The following DCDC1 variants were observed in gnomAD, a reference collection of about 807,000 sequenced individuals.
DCDC1 encodes the protein doublecortin domain-containing protein 1.
DCDC1 carries 200 observed loss-of-function variants against 178.3 expected under a neutral mutation model. That is an observed-to-expected ratio of 1.12 (90% CI 1.00 to 1.26). The LOEUF is 1.26. DCDC1 is among the 50% of genes most tolerant of loss of function. The pLI is 0.00. For missense variants in DCDC1, 1,983 were observed against 1,749.2 expected (o/e 1.13, Z -2.38); for synonymous variants, 690 against 604.8 (o/e 1.14, Z -2.07).
intron 20 of DCDC1, among the ~76,000 whole-genome samples, chr11:30,967,427 TCTC>T (rs1949501074): frequency 6.6e-6 from 1 of 152,082 alleles, no homozygotes; most frequent in Admixed American, 6.6e-5. Flanking sequence ...CAGCCCAAAA[TCTC>T]CTTAAGCTGA....
intron 1 of DCDC1, among the ~76,000 whole-genome samples, chr11:31,356,516 A>T (rs1406919110): frequency 1.3e-5 from 2 of 151,862 alleles, no homozygotes; most frequent in Non-Finnish European, 2.9e-5. Flanking sequence ...CTAACATCAC[A>T]ATTAAAAGAA....
chr11:30,934,009 A>G (rs1947105877), intron 21 of DCDC1, among the ~76,000 whole-genome samples: 1 of 152,182 alleles, frequency 6.6e-6, no homozygotes. Flanking sequence ...TGCTAGTATC[A>G]TGTCTTAACG....
intron 20 of DCDC1, among the ~76,000 whole-genome samples, chr11:30,960,026 C>T (rs985650012): frequency 2.0e-5 from 3 of 152,108 alleles, no homozygotes; most frequent in Non-Finnish European, 2.9e-5. Flanking sequence ...CGAATTGAAG[C>T]ACCCAAAAGA....
intron 17 of DCDC1, among the ~76,000 whole-genome samples, chr11:31,083,365 G>A (rs758814614): frequency 1.3e-5 from 2 of 152,140 alleles, no homozygotes; most frequent in African/African-American, 4.8e-5. Flanking sequence ...TAGAAAAGAG[G>A]TCTCCTTTGG....
chr11:31,327,737 AT>A lies in DCDC1; in HGVS notation c.164+379del, dbSNP rs559423390. Among the ~76,000 whole-genome samples the A allele has an allele frequency of 2.9e-3, 443 of 150,862 alleles. 2 individuals carry two copies. Among genetic ancestry groups the A allele is most frequent in the African/African-American group, 9.9e-3 (408 of 41,130 alleles). ...TTATTTATATCACCTGTACTCAAAC[AT>A]TTTTTTTTAGACAGAGTCTCACTCT... On this transcript the variant is annotated intron_variant, in intron 3 of 38. Coordinates refer to ENST00000684477, the MANE Select transcript of DCDC1 (RefSeq NM_001387274.1).
intron 20 of DCDC1, among the ~76,000 whole-genome samples, chr11:31,054,919 T>C (rs1955489366): frequency 1.3e-5 from 2 of 152,148 alleles, no homozygotes; most frequent in Admixed American, 1.3e-4. Context: ...CTCTAGACAT[T>C]GGCTTAGGTA....
chr11:30,888,062 G>GAA (rs1363691155), intron 36 of DCDC1, among the ~76,000 whole-genome samples: 4,062 of 48,488 alleles, frequency 0.084, 158 homozygotes, highest in Middle Eastern at 0.12. Flanking sequence ...AAGAAAGAAA[G>GAA]AGAGAGAGAG....
At chr11:31,244,205 A>G (rs932602067) in intron 8 of DCDC1, among the ~76,000 whole-genome samples, 5 of 151,792 alleles carry the variant, frequency 3.3e-5, no homozygotes, top group Non-Finnish European at 5.9e-5. Flanking sequence ...CCTAAAACAT[A>G]CTTTTAAAAT....
At chr11:31,334,999 G>T (rs947418639) in intron 2 of DCDC1, among the ~76,000 whole-genome samples, 2 of 152,206 alleles carry the variant, frequency 1.3e-5, no homozygotes, top group Non-Finnish European at 2.9e-5. Flanking sequence ...GCTATGCCCT[G>T]CCTCCAGAGG....
At chr11:31,257,713 CACACACAT>C (rs1174702558) in intron 8 of DCDC1, among the ~76,000 whole-genome samples, 11 of 151,376 alleles carry the variant, frequency 7.3e-5, no homozygotes, top group Admixed American at 3.3e-4. Flanking sequence ...CACACACACA[CACACACAT>C]ACACACACAC....
chr11:31,218,008 C>T (rs1449853341), intron 9 of DCDC1, among the ~76,000 whole-genome samples: 3 of 151,942 alleles, frequency 2.0e-5, no homozygotes, highest in African/African-American at 7.3e-5. Context: ...ATCAGCATTA[C>T]AAAATGCAGA....
chr11:31,212,735 G>A (rs1972725163), intron 9 of DCDC1, among the ~76,000 whole-genome samples: 1 of 152,054 alleles, frequency 6.6e-6, no homozygotes. Context: ...TAGCTATTAG[G>A]AAATATCTGG....
chr11:31,172,175 T>C (rs573723504), intron 9 of DCDC1, among the ~76,000 whole-genome samples: 1 of 152,194 alleles, frequency 6.6e-6, no homozygotes, highest in South Asian at 2.1e-4. Flanking sequence ...TTTTAAAAAT[T>C]ATATATTTCC....
Position 31,110,318 on chromosome 11 carries a change from A to C in DCDC1, c.1529T>G (p.Ile510Ser). Residue 510 changes from isoleucine (I) to serine (S), a missense_variant, in exon 12 of 39, where the codon ATC (isoleucine) becomes AGC (serine). By Grantham distance (142) the Ile-to-Ser change is moderately radical. Coordinates refer to ENST00000684477, the MANE Select transcript of DCDC1 (RefSeq NM_001387274.1). ...ATCCGATCCCAAATCTTTTTTACTG[A>C]TACCAACAGAGATCTCTCCAGTGTT... is the stretch of plus-strand genomic sequence containing the variant. ...GKNTGEISVG[I>S]SKKDLGSDSP... 1.4e-6 allele frequency: 1 copy of C among 710,126 alleles called. No homozygotes were observed. Among genetic ancestry groups the C allele is most frequent in the Non-Finnish European group, 2.6e-6 (1 of 387,310 alleles). The allele number at this position is 710,126 out of a possible 1,614,324, so 44.0% of individuals were successfully genotyped here. A position where few individuals can be genotyped will look rare whatever the true frequency, so the allele number is the denominator to read the frequency against.
intron 27 of DCDC1, among the ~76,000 whole-genome samples, chr11:30,914,652 A>G (rs562530638): frequency 0.027 from 3,695 of 139,090 alleles, 112 homozygotes; most frequent in African/African-American, 0.081. Flanking sequence ...AAAAAAAAAA[A>G]AGAGAGAGAG....
intron 20 of DCDC1, among the ~76,000 whole-genome samples, chr11:31,048,166 C>T (rs190814784): frequency 1.3e-5 from 2 of 152,306 alleles, no homozygotes; most frequent in African/African-American, 4.8e-5. Context: ...ACTAATCTGA[C>T]TGTAGTTCAG....
chr11:31,281,691 C>A (rs962098934), intron 7 of DCDC1, among the ~76,000 whole-genome samples: 2 of 151,984 alleles, frequency 1.3e-5, no homozygotes, highest in African/African-American at 4.8e-5. Context: ...GCAGTTTCAC[C>A]CATACTGTTC....
At chr11:30,916,192 A>G (rs148191981) in intron 26 of DCDC1, among the ~76,000 whole-genome samples, 29 of 152,346 alleles carry the variant, frequency 1.9e-4, no homozygotes, top group African/African-American at 6.7e-4. Context: ...ATAGCATATC[A>G]TAAAATAATG....
At chr11:31,059,991 C>T (rs1955823573) in intron 20 of DCDC1, among the ~76,000 whole-genome samples, 1 of 151,936 alleles carries the variant, frequency 6.6e-6, no homozygotes, top group African/African-American at 2.4e-5. Context: ...GAGACTATAA[C>T]AGTTCCTTTA....
Sources: gnomAD v4.1 joint callset for allele counts (sites outside exome capture counted in the v4.1 genomes callset) on GRCh38, gnomAD v4.1.1 for gene constraint, MANE v1.5 for transcripts, NCBI Gene and HGNC (gene_info 2026-07-23, HGNC 2026-07-21) for gene names.